Variants in SLC71A1 observed in about 807,000 individuals in gnomAD.
SLC71A1 encodes hippocampus abundant gene transcript 1.
At chr1:100,038,287 A>G in the SLC71A1 span, 1 of 1,559,854 alleles carries the variant, frequency 6.4e-7, no homozygotes, top group South Asian at 1.2e-5. Flanking sequence ...CATGCTGGCC[A>G]AGAAGATCAT....
At chr1:100,054,357 C>T in the SLC71A1 span, among the ~76,000 whole-genome samples, 1 of 152,038 alleles carries the variant, frequency 6.6e-6, no homozygotes, top group East Asian at 1.9e-4. Flanking sequence ...GGATTACAGG[C>T]ACCTGCCACC....
the SLC71A1 span, among the ~76,000 whole-genome samples, chr1:100,044,581 T>A: frequency 6.7e-6 from 1 of 149,946 alleles, no homozygotes; most frequent in East Asian, 2.0e-4. Context: ...AATGGCATGA[T>A]CTTGGCTCCC....
the SLC71A1 span, chr1:100,059,864 T>C: frequency 3.1e-6 from 5 of 1,593,596 alleles, no homozygotes; most frequent in African/African-American, 2.7e-5. Context: ...ATTTTTTTCA[T>C]TTAATTTTTT....
chr1:100,039,512 T>C, the SLC71A1 span, among the ~76,000 whole-genome samples: 2 of 152,250 alleles, frequency 1.3e-5, no homozygotes, highest in Admixed American at 6.5e-5. Flanking sequence ...GTTTATTATA[T>C]GTTATAGCTT....
chr1:100,059,733 A>T, the SLC71A1 span: 2 of 616,776 alleles, frequency 3.2e-6, no homozygotes, highest in Non-Finnish European at 5.1e-6. Context: ...TTATATATAG[A>T]TAAGCAATTG....
chr1:100,068,762 C>T, the SLC71A1 span, among the ~76,000 whole-genome samples: 1 of 152,244 alleles, frequency 6.6e-6, no homozygotes, highest in African/African-American at 2.4e-5. Flanking sequence ...GTGGGTGGAT[C>T]AGCTGAGGTC....
chr1:100,069,734 A>C, the SLC71A1 span: 1 of 1,197,226 alleles, frequency 8.4e-7, no homozygotes, highest in Admixed American at 1.7e-5. Flanking sequence ...CTGGCTGGCC[A>C]TCCAAACTGG....
the SLC71A1 span, among the ~76,000 whole-genome samples, chr1:100,073,498 T>A: frequency 6.6e-6 from 1 of 152,240 alleles, no homozygotes; most frequent in Non-Finnish European, 1.5e-5. Flanking sequence ...TTTGCATAAC[T>A]AGGTCTCTCC....
the SLC71A1 span, among the ~76,000 whole-genome samples, chr1:100,073,199 T>G: frequency 6.9e-4 from 105 of 152,368 alleles, no homozygotes; most frequent in Non-Finnish European, 1.4e-3. Context: ...TCTGATATTC[T>G]CCATTAGTAG....
At chr1:100,059,033 C>G in the SLC71A1 span, among the ~76,000 whole-genome samples, 1 of 150,552 alleles carries the variant, frequency 6.6e-6, no homozygotes, top group Non-Finnish European at 1.5e-5. Flanking sequence ...TTTTGTAAGA[C>G]TACAGATTGA....
the SLC71A1 span, among the ~76,000 whole-genome samples, chr1:100,063,624 C>T: frequency 6.6e-6 from 1 of 152,084 alleles, no homozygotes; most frequent in Non-Finnish European, 1.5e-5. Flanking sequence ...AGTGAGACCC[C>T]ATCTATACAG....
the SLC71A1 span, among the ~76,000 whole-genome samples, chr1:100,066,802 A>C: frequency 6.6e-6 from 1 of 152,002 alleles, no homozygotes; most frequent in East Asian, 1.9e-4. Context: ...ATCTTGGCTA[A>C]CACGGTGAAA....
the SLC71A1 span, among the ~76,000 whole-genome samples, chr1:100,042,727 C>G: frequency 1.2e-4 from 19 of 152,084 alleles, no homozygotes; most frequent in African/African-American, 4.1e-4. Flanking sequence ...CCTACCTTAG[C>G]CTCCTGAATA....
chr1:100,067,673 C>T, the SLC71A1 span, among the ~76,000 whole-genome samples: 4 of 151,946 alleles, frequency 2.6e-5, no homozygotes, highest in Non-Finnish European at 5.9e-5. Flanking sequence ...ATTAGCTGGG[C>T]GTGGTGGTGT....
At chr1:100,038,197 G>A in the SLC71A1 span, 1 of 1,535,794 alleles carries the variant, frequency 6.5e-7, no homozygotes, top group Non-Finnish European at 8.8e-7. Context: ...CGCCCCGGGA[G>A]TGGCTGCAGC....
the SLC71A1 span, among the ~76,000 whole-genome samples, chr1:100,060,602 T>C: frequency 6.6e-6 from 1 of 151,768 alleles, no homozygotes. Flanking sequence ...GTGGAAGGAG[T>C]TGCTAAGAAG....
At chr1:100,050,740 A>G in the SLC71A1 span, among the ~76,000 whole-genome samples, 1 of 152,188 alleles carries the variant, frequency 6.6e-6, no homozygotes, top group Non-Finnish European at 1.5e-5. Context: ...GAACATTTAC[A>G]GTACATATTT....
chr1:100,064,230 C>T, the SLC71A1 span, among the ~76,000 whole-genome samples: 6 of 152,178 alleles, frequency 3.9e-5, no homozygotes, highest in African/African-American at 1.4e-4. Flanking sequence ...CAACCTCCGC[C>T]TCCTGGGTTC....
chr1:100,061,842 T>G, the SLC71A1 span: 1 of 1,603,304 alleles, frequency 6.2e-7, no homozygotes, highest in Non-Finnish European at 8.5e-7. Context: ...TAGGTGGTAC[T>G]TTGCTGTTAT....
Sources: allele counts gnomAD v4.1 joint callset (sites outside exome capture counted in the v4.1 genomes callset), GRCh38; gene constraint gnomAD v4.1.1; transcripts MANE v1.5; gene names NCBI Gene and HGNC (gene_info 2026-07-23, HGNC 2026-07-21).